The following CHI3L2 variants were observed in gnomAD, a reference collection of about 807,000 sequenced individuals.
CHI3L2 encodes chitinase-3-like protein 2.
A neutral mutation model predicts 47.3 loss-of-function variants in CHI3L2; 47 were observed. The observed-to-expected ratio is 0.99, with a 90% confidence interval of 0.79 to 1.27. The LOEUF (loss-of-function observed/expected upper bound fraction) is 1.27. CHI3L2 is among the 50% of genes most tolerant of loss of function. CHI3L2 has a pLI of 0.00. For synonymous variants in CHI3L2, 198 were observed against 169.9 expected (o/e 1.17, Z -1.28); for missense variants, 497 against 462.1 (o/e 1.08, Z -0.69).
intron 4 of CHI3L2, among the ~76,000 whole-genome samples, chr1:111,231,633 A>T (rs7519171): frequency 0.65 from 99,102 of 151,948 alleles, 32,724 homozygotes; most frequent in South Asian, 0.75. Flanking sequence ...CAATTTTTTT[A>T]AAAATCACTT....
chr1:111,243,067 A>G (rs545937673), intron 10 of CHI3L2, 150 bp from the exon 11 acceptor site: 8 of 416,734 alleles, frequency 1.9e-5, no homozygotes, highest in South Asian at 6.9e-5. Context: ...TGGCTCTGCT[A>G]TCCTGGCAAA....
intron 5 of CHI3L2, among the ~76,000 whole-genome samples, chr1:111,235,304 A>G (rs918259082): frequency 6.6e-6 from 1 of 152,246 alleles, no homozygotes; most frequent in Non-Finnish European, 1.5e-5. Context: ...GAAGAACATC[A>G]AAATAAAGCA....
Position 111,238,830 on chromosome 1 carries a change from C to T in CHI3L2, c.816C>T (p.Ser272=), listed in dbSNP as rs761260037. Residue 272 remains serine (S), a synonymous_variant, in exon 8 of 11, where the codon TCC becomes TCT. Coordinates refer to ENST00000369748, the MANE Select transcript of CHI3L2 (RefSeq NM_004000.3). ...TGGGCATCCCCACATATGGGCACTC[C>T]TTCACACTGGCCTCTGCAGAAACCA... ...VVMGIPTYGH[S]FTLASAETTV... The T allele has an allele frequency of 1.2e-6, 2 of 1,614,118 alleles. No individual in the cohort carries two copies. The highest frequency in any genetic ancestry group is 1.7e-6 in the Non-Finnish European group (2 of 1,179,972).
At position 111,230,840 on chromosome 1, in the gene CHI3L2, T is replaced by C. The variant is rs200974793; in HGVS notation, c.169T>C (p.Ser57Pro). ...TGAGAATATTGACCCCTTCCTATGC[T>C]CTCATCTCATCTATTCATTCGCCAG... ...TPENIDPFLC[S>P]HLIYSFASIE... The change falls in exon 3 of 11, where the codon TCT (serine) becomes CCT (proline). Residue 57 changes from serine (S) to proline (P), a missense_variant. Transcript: ENST00000369748. 18 of 1,614,010 alleles carry C rather than the reference T, an allele frequency of 1.1e-5. 1 individual carries two copies. The East Asian group carries it at 2.7e-4, about 24-fold the overall frequency.
Position 111,239,166 on chromosome 1 carries a change from G to A in CHI3L2, c.918+234G>A, listed in dbSNP as rs542624835. 2.2e-4 allele frequency: 99 copies of A among 446,158 alleles called. No individual in the cohort carries two copies. In the Middle Eastern group the frequency reaches 2.8e-3, roughly 13 times the overall value. 27.6% of individuals were successfully genotyped at this position (446,158 alleles called of 1,614,324 possible). A position where few individuals can be genotyped will look rare whatever the true frequency, so the allele number is the denominator to read the frequency against. ...AGGAGATGGAGCTAGCCAGGAATGG[G>A]GATAGGCAGAGGAGAGTGCGAGAAA... On this transcript the variant is annotated intron_variant, in intron 8 of 10. Transcript: ENST00000369748.
At chr1:111,227,920 AG>A (rs1659573985) in intron 1 of CHI3L2, 151 bp downstream of exon 1, 3 of 745,022 alleles carry the variant, frequency 4.0e-6, no homozygotes. Context: ...CAACTGTTGT[AG>A]GGGAACCACC....
chr1:111,233,125 G>T (rs1034951733), intron 4 of CHI3L2, among the ~76,000 whole-genome samples: 1 of 152,138 alleles, frequency 6.6e-6, no homozygotes. Flanking sequence ...AATGCTATTG[G>T]TGCCCTTGGT....
intron 4 of CHI3L2, among the ~76,000 whole-genome samples, chr1:111,232,346 C>G (rs1008830465): frequency 2.7e-5 from 4 of 147,038 alleles, no homozygotes; most frequent in Non-Finnish European, 6.2e-5. Context: ...TTCATTCATT[C>G]TTGCATTCAT....
At chr1:111,242,396 G>A in intron 10 of CHI3L2, 30 bp downstream of exon 10, 1 of 1,570,346 alleles carries the variant, frequency 6.4e-7, no homozygotes, top group Non-Finnish European at 8.6e-7. Flanking sequence ...CTGGGAGTGG[G>A]CAGACAGCTG....
chr1:111,231,076 T>C, intron 3 of CHI3L2, 133 bp downstream of exon 3: 1 of 979,076 alleles, frequency 1.0e-6, no homozygotes, highest in Non-Finnish European at 1.6e-6. Flanking sequence ...TTTCTGATCC[T>C]AACTGTTCTC....
intron 7 of CHI3L2, 84 bp from the exon 8 acceptor site, chr1:111,238,665 CT>C: frequency 1.4e-6 from 2 of 1,411,576 alleles, no homozygotes; most frequent in African/African-American, 2.9e-5. Context: ...GCAGTCACCT[CT>C]GTGAAGTTTG....
rs1659714344 is a variant in CHI3L2 at position 111,231,306 on chromosome 1, T to A, written c.329+12T>A. 1 of 1,584,734 alleles carries A rather than the reference T, an allele frequency of 6.3e-7. No individual in the cohort carries two copies. The highest frequency in any genetic ancestry group is 1.4e-5 in the African/African-American group (1 of 73,830). On this transcript the variant is annotated intron_variant, in intron 4 of 10. Coordinates refer to ENST00000369748, the MANE Select transcript of CHI3L2 (RefSeq NM_004000.3). The stretch of plus-strand genomic sequence containing the variant: ...TTTGGTTCCAAAGGGTAAGACTACA[T>A]CTTTATTTTTTGTTCATTTCCCCAT...
At position 111,234,609 on chromosome 1, in the gene CHI3L2, A is replaced by G. The variant is rs1337333203; in HGVS notation, c.330-298A>G. Among the ~76,000 whole-genome samples the G allele has an allele frequency of 3.3e-5, 5 of 152,188 alleles. No homozygotes were observed. The East Asian group carries it at 9.6e-4, about 29-fold the overall frequency. ...GCCCAAGATTGAGGTCCAGTTGAGA[A>G]GAGGGCTCAGAGAAGCCTACCTAAG... is the stretch of plus-strand genomic sequence containing the variant. On this transcript the variant is annotated intron_variant, in intron 4 of 10. Transcript: ENST00000369748.
chr1:111,229,157 CCCTA>C (rs1428781630), intron 1 of CHI3L2, among the ~76,000 whole-genome samples: 1 of 152,150 alleles, frequency 6.6e-6, no homozygotes, highest in African/African-American at 2.4e-5. Flanking sequence ...TATATGGTCA[CCCTA>C]CCTATATTCA....
intron 7 of CHI3L2, 24 bp from the exon 8 acceptor site, chr1:111,238,726 C>T (rs2101554921): frequency 6.2e-7 from 1 of 1,611,530 alleles, no homozygotes. Context: ...ACACTCTGAG[C>T]CTCCATCTCT....
At chr1:111,233,606 G>A (rs1339308382) in intron 4 of CHI3L2, among the ~76,000 whole-genome samples, 1 of 152,078 alleles carries the variant, frequency 6.6e-6, no homozygotes, top group Admixed American at 6.5e-5. Context: ...CGCCCCGTCC[G>A]GGAGGTGAGG....
intron 1 of CHI3L2, among the ~76,000 whole-genome samples, chr1:111,228,302 G>A (rs2101542118): frequency 6.6e-6 from 1 of 152,312 alleles, no homozygotes; most frequent in Non-Finnish European, 1.5e-5. Context: ...ACAAGGCTAT[G>A]AGTGAACGGG....
At chr1:111,242,539 C>T (rs556080286) in intron 10 of CHI3L2, 173 bp downstream of exon 10, 2 of 510,790 alleles carry the variant, frequency 3.9e-6, no homozygotes, top group African/African-American at 2.0e-5. Context: ...ATAGGCTTCC[C>T]ATAGACTTTT....
Position 111,236,060 on chromosome 1 carries a change from C to T in CHI3L2, c.642C>T (p.Phe214=). The T allele has an allele frequency of 6.2e-7, 1 of 1,614,226 alleles. No homozygotes were observed. The highest frequency in any genetic ancestry group is 8.5e-7 in the Non-Finnish European group (1 of 1,180,042). ...LDFINLLSFD[F]HGSWEKPLIT... Reference sequence around the variant, plus strand: ...TCATCAACCTCCTGTCCTTTGACTTCCATGGGTCTTGGGAAAAGCCCCTTA... The same window carrying T: ...TCATCAACCTCCTGTCCTTTGACTTTCATGGGTCTTGGGAAAAGCCCCTTA... The change falls in exon 7 of 11, where the codon TTC becomes TTT. Residue 214 remains phenylalanine (F), a synonymous_variant. Coordinates refer to ENST00000369748, the MANE Select transcript of CHI3L2 (RefSeq NM_004000.3).
Sources: allele counts gnomAD v4.1 joint callset (sites outside exome capture counted in the v4.1 genomes callset), GRCh38; gene constraint gnomAD v4.1.1; transcripts MANE v1.5; gene names NCBI Gene and HGNC (gene_info 2026-07-23, HGNC 2026-07-21).